Variants in C19orf85 observed in about 807,000 individuals in gnomAD.
The protein encoded by C19orf85 is uncharacterized protein C19orf85.
At position 55,463,175 on chromosome 19, in the gene C19orf85, A is replaced by G. The variant is rs186006249; in HGVS notation, c.*297T>C. 1.8e-3 allele frequency: 602 copies of G among 338,558 alleles called. 5 individuals are homozygous for G. Among genetic ancestry groups the G allele is most frequent in the African/African-American group, 0.012 (573 of 47,558 alleles). 21.0% of individuals were successfully genotyped at this position (338,558 alleles called of 1,614,324 possible). On this transcript the variant is annotated 3_prime_UTR_variant, in exon 2 of 2. Transcript: ENST00000635964. This position sits in a 1 kb window ranked among gnomAD's most constrained non-coding sequence, Gnocchi z 4.9. The stretch of plus-strand genomic sequence containing the variant: ...CGATACATCTTTGGGAATAAATGAC[A>G]GGAGAGCAGACATTAGGCAGAGGTG...
chr19:55,463,112 T>A lies in C19orf85; in HGVS notation c.*360A>T. On this transcript the variant is annotated 3_prime_UTR_variant, in exon 2 of 2. Transcript: ENST00000635964. The surrounding 1 kb of genome is among the most constrained non-coding windows in gnomAD (Gnocchi z 4.9). ...GTCTGCCTCGTTCACAGCTGAATCC[T>A]CAAGTCCTAGACCTGGGCCTGGCCC... 4.5e-6 allele frequency: 1 copy of A among 224,674 alleles called. No individual in the cohort carries two copies. The highest frequency in any genetic ancestry group is 8.6e-6 in the Non-Finnish European group (1 of 115,852). The allele number at this position is 224,674 out of a possible 1,614,324, so 13.9% of individuals were successfully genotyped here.
At chr19:55,464,031 G>A (rs535191262) in intron 1 of C19orf85, 64 bp from the exon 2 acceptor site, 102 of 398,566 alleles carry the variant, frequency 2.6e-4, no homozygotes, top group Non-Finnish European at 4.1e-4. Context: ...CTCCTGCCTC[G>A]GCCTTTCAAG....
In C19orf85 at chr19:55,463,567, C is replaced by T. The variant is rs1165127189; in HGVS notation, c.574G>A (p.Val192Met). 1.5e-5 allele frequency: 6 copies of T among 398,516 alleles called. No homozygotes were observed. Among genetic ancestry groups the T allele is most frequent in the Admixed American group, 4.4e-5 (1 of 22,706 alleles). The allele number at this position is 398,516 out of a possible 1,614,324, so 24.7% of individuals were successfully genotyped here. A position where few individuals can be genotyped will look rare whatever the true frequency, so the allele number is the denominator to read the frequency against. ...QHALGEEADL[V>M]APDWGWVDCW... ...TCCACCCAACCCCAGTCGGGAGCCA[C>T]GAGATCAGCCTCTTCCCCCAGGGCA... is the stretch of plus-strand genomic sequence containing the variant. The change falls in exon 2 of 2, where the codon GTG becomes ATG. Residue 192 changes from valine (V) to methionine (M), a missense_variant. Coordinates refer to ENST00000635964, the MANE Select transcript of C19orf85 (RefSeq NM_001386794.1). The surrounding 1 kb of genome is among the most constrained non-coding windows in gnomAD (Gnocchi z 4.9).
In C19orf85 at chr19:55,464,074, C is replaced by T. The variant is rs563761387; in HGVS notation, c.174-107G>A. On this transcript the variant is annotated intron_variant, in intron 1 of 1. Transcript: ENST00000635964. ...GATTGCAGGCTTGAGCCACCACCCC[C>T]GGCCAGCATATTTGCAAGGGTCACC... The T allele has an allele frequency of 1.3e-3, 524 of 398,194 alleles. 2 individuals are homozygous for T. The highest frequency in any genetic ancestry group is 9.9e-3 in the African/African-American group (484 of 48,724). 24.7% of individuals were successfully genotyped at this position (398,194 alleles called of 1,614,324 possible). A position where few individuals can be genotyped will look rare whatever the true frequency, so the allele number is the denominator to read the frequency against.
rs1375465773 is a variant in C19orf85 at position 55,463,752 on chromosome 19, T to A, written c.389A>T (p.Asp130Val). 3 of 398,512 alleles carry A rather than the reference T, an allele frequency of 7.5e-6. No homozygotes were observed. The highest frequency in any genetic ancestry group is 2.1e-5 in the African/African-American group (1 of 48,532). The allele number at this position is 398,512 out of a possible 1,614,324, so 24.7% of individuals were successfully genotyped here. A position where few individuals can be genotyped will look rare whatever the true frequency, so the allele number is the denominator to read the frequency against. The change falls in exon 2 of 2, where the codon GAC becomes GTC. Residue 130 changes from aspartate (D) to valine (V), a missense_variant. Physicochemically the swap from Asp to Val is radical, Grantham distance 152 (BLOSUM62 -3). Transcript: ENST00000635964. This position sits in a 1 kb window ranked among gnomAD's most constrained non-coding sequence, Gnocchi z 4.9. Reference sequence around the variant, plus strand: ...ACACTCTGGGGTGAGCGCAATGTTGTCAAAGAGGTCGAGGGTAGAGGTGTC... The same window carrying A: ...ACACTCTGGGGTGAGCGCAATGTTGACAAAGAGGTCGAGGGTAGAGGTGTC... ...ALDTSTLDLF[D>V]NIALTPECAS...
In C19orf85 at chr19:55,464,372, GC is replaced by G. The variant is rs1599888903; in HGVS notation, c.173+9del. ...CGTCCCGTGCCCACCTTCCCCACCA[GC>G]CCCCTCACCTGCAGATCTGGTTGTG... On this transcript the variant is annotated intron_variant, in intron 1 of 1. Transcript: ENST00000635964. The G allele has an allele frequency of 5.0e-6, 2 of 398,440 alleles. No homozygotes were observed. Among genetic ancestry groups the G allele is most frequent in the East Asian group, 7.1e-5 (2 of 28,070 alleles). 24.7% of individuals were successfully genotyped at this position (398,440 alleles called of 1,614,324 possible).
Position 55,463,421 on chromosome 19 carries a change from G to A in C19orf85, c.*51C>T, listed in dbSNP as rs1352066108. 2.0e-5 allele frequency: 8 copies of A among 398,768 alleles called. No homozygotes were observed. The highest frequency in any genetic ancestry group is 1.3e-4 in the Admixed American group (3 of 22,726). 24.7% of individuals were successfully genotyped at this position (398,768 alleles called of 1,614,324 possible). A position where few individuals can be genotyped will look rare whatever the true frequency, so the allele number is the denominator to read the frequency against. ...TCCTGGAGAGGGCTGTAGAGCCGTCGTGGAGGGGCCTCTGGCTTGTCCTGG... is the reference window on the plus strand; with the variant it reads ...TCCTGGAGAGGGCTGTAGAGCCGTCATGGAGGGGCCTCTGGCTTGTCCTGG... On this transcript the variant is annotated 3_prime_UTR_variant, in exon 2 of 2. Coordinates refer to ENST00000635964, the MANE Select transcript of C19orf85 (RefSeq NM_001386794.1). The surrounding 1 kb of genome is among the most constrained non-coding windows in gnomAD (Gnocchi z 4.9).
chr19:55,463,780 G>A lies in C19orf85; in HGVS notation c.361C>T (p.Leu121=). The A allele has an allele frequency of 2.5e-6, 1 of 398,958 alleles. No homozygotes were observed. Among genetic ancestry groups the A allele is most frequent in the Non-Finnish European group, 4.4e-6 (1 of 226,326 alleles). 24.7% of individuals were successfully genotyped at this position (398,958 alleles called of 1,614,324 possible). The change falls in exon 2 of 2, where the codon CTG becomes TTG. Residue 121 remains leucine (L), a synonymous_variant. Transcript: ENST00000635964. The surrounding 1 kb of genome is among the most constrained non-coding windows in gnomAD (Gnocchi z 4.9). ...HASASLSLAA[L]DTSTLDLFDN... ...AAGAGGTCGAGGGTAGAGGTGTCCA[G>A]GGCAGCGAGACTCAGGCTGGCGCTG...
Position 55,463,630 on chromosome 19 carries a change from C to A in C19orf85, c.511G>T (p.Val171Phe), listed in dbSNP as rs1986304829. 2.5e-6 allele frequency: 1 copy of A among 398,562 alleles called. No homozygotes were observed. The highest frequency in any genetic ancestry group is 4.4e-5 in the Admixed American group (1 of 22,720). 24.7% of individuals were successfully genotyped at this position (398,562 alleles called of 1,614,324 possible). A position where few individuals can be genotyped will look rare whatever the true frequency, so the allele number is the denominator to read the frequency against. Residue 171 changes from valine (V) to phenylalanine (F), a missense_variant, in exon 2 of 2, where the codon GTC becomes TTC. Physicochemically the swap from Val to Phe is conservative, Grantham distance 50 (BLOSUM62 -1). Transcript: ENST00000635964. This position sits in a 1 kb window ranked among gnomAD's most constrained non-coding sequence, Gnocchi z 4.9. ...GGCAGGGGGCCGCAGAAATGTGGGA[C>A]CTGCCTCAGGTCCAGCTGGCCCAGG... The part of the protein sequence containing the change: ...RDLGQLDLRQ[V>F]PHFCGPLPLP...
Position 55,464,538 on chromosome 19 carries a change from G to C in C19orf85, c.17C>G (p.Pro6Arg), listed in dbSNP as rs1416373434. 3 of 398,266 alleles carry C rather than the reference G, an allele frequency of 7.5e-6. No individual in the cohort carries two copies. The highest frequency in any genetic ancestry group is 8.8e-5 in the Admixed American group (2 of 22,710). 24.7% of individuals were successfully genotyped at this position (398,266 alleles called of 1,614,324 possible). A position where few individuals can be genotyped will look rare whatever the true frequency, so the allele number is the denominator to read the frequency against. MHPGV[P>R]EGPGVSEPGP... ...GGGCTCGGAGACCCCAGGGCCTTCG[G>C]GGACCCCGGGGTGCATGGCCAGGGT... The change falls in exon 1 of 2, where the codon CCC becomes CGC. Residue 6 changes from proline to arginine, a missense_variant. Transcript: ENST00000635964.
At chr19:55,464,106 G>A (rs1264757718) in intron 1 of C19orf85, 139 bp from the exon 2 acceptor site, 1 of 397,770 alleles carries the variant, frequency 2.5e-6, no homozygotes, top group East Asian at 3.6e-5. Flanking sequence ...CACCTATGTG[G>A]TCGCATCACA....
intron 1 of C19orf85, among the ~76,000 whole-genome samples, 166 bp downstream of exon 1, chr19:55,464,216 G>A (rs1986318724): frequency 1.3e-5 from 2 of 152,156 alleles, no homozygotes; most frequent in Admixed American, 1.3e-4. Flanking sequence ...TTGCTAACTG[G>A]CCTGGCACAC....
Position 55,463,155 on chromosome 19 carries a change from C to A in C19orf85, c.*317G>T. The A allele has an allele frequency of 3.3e-6, 1 of 301,058 alleles. No homozygotes were observed. Among genetic ancestry groups the A allele is most frequent in the Non-Finnish European group, 6.1e-6 (1 of 164,284 alleles). 18.6% of individuals were successfully genotyped at this position (301,058 alleles called of 1,614,324 possible). The stretch of plus-strand genomic sequence containing the variant: ...CCTGGCCCATAGTAGGCGCTCGATA[C>A]ATCTTTGGGAATAAATGACAGGAGA... On this transcript the variant is annotated 3_prime_UTR_variant, in exon 2 of 2. Transcript: ENST00000635964. The surrounding 1 kb of genome is among the most constrained non-coding windows in gnomAD (Gnocchi z 4.9).
At position 55,463,087 on chromosome 19, in the gene C19orf85, G is replaced by A. The variant is rs562279790; in HGVS notation, c.*385C>T. 7.2e-4 allele frequency: 146 copies of A among 201,760 alleles called. 1 individual carries two copies. Among genetic ancestry groups the A allele is most frequent in the African/African-American group, 2.7e-3 (116 of 43,506 alleles). 12.5% of individuals were successfully genotyped at this position (201,760 alleles called of 1,614,324 possible). On this transcript the variant is annotated 3_prime_UTR_variant, in exon 2 of 2. Coordinates refer to ENST00000635964, the MANE Select transcript of C19orf85 (RefSeq NM_001386794.1). The surrounding 1 kb of genome is among the most constrained non-coding windows in gnomAD (Gnocchi z 4.9). ...GGGAGCTCCCTGAGGCAGGGGTCCCGTCTGCCTCGTTCACAGCTGAATCCT... is the reference window on the plus strand; with the variant it reads ...GGGAGCTCCCTGAGGCAGGGGTCCCATCTGCCTCGTTCACAGCTGAATCCT...
In C19orf85 at chr19:55,463,659, C is replaced by T. The variant is rs1343102390; in HGVS notation, c.482G>A (p.Arg161His). The part of the protein sequence containing the change: ...APLPAPGLSH[R>H]DLGQLDLRQV... ...CCTCAGGTCCAGCTGGCCCAGGTCG[C>T]GATGGGACAGACCCGGCGCTGGCAG... is the stretch of plus-strand genomic sequence containing the variant. The change falls in exon 2 of 2, where the codon CGC becomes CAC. Residue 161 changes from arginine (R) to histidine (H), a missense_variant. By Grantham distance (29) the Arg-to-His change is conservative (BLOSUM62 0). Coordinates refer to ENST00000635964, the MANE Select transcript of C19orf85 (RefSeq NM_001386794.1). The surrounding 1 kb of genome is among the most constrained non-coding windows in gnomAD (Gnocchi z 4.9). The T allele has an allele frequency of 2.3e-5, 9 of 398,634 alleles. No individual in the cohort carries two copies. The highest frequency in any genetic ancestry group is 3.1e-5 in the Non-Finnish European group (7 of 226,172). The allele number at this position is 398,634 out of a possible 1,614,324, so 24.7% of individuals were successfully genotyped here.
At position 55,463,944 on chromosome 19, in the gene C19orf85, G is replaced by C. The variant is rs1986313700; in HGVS notation, c.197C>G (p.Ala66Gly). 2.5e-6 allele frequency: 1 copy of C among 398,592 alleles called. No homozygotes were observed. The highest frequency in any genetic ancestry group is 2.1e-5 in the African/African-American group (1 of 48,592). 24.7% of individuals were successfully genotyped at this position (398,592 alleles called of 1,614,324 possible). The change falls in exon 2 of 2, where the codon GCC becomes GGC. Residue 66 changes from alanine to glycine, a missense_variant. By Grantham distance (60) the Ala-to-Gly change is moderately conservative. Coordinates refer to ENST00000635964, the MANE Select transcript of C19orf85 (RefSeq NM_001386794.1). The surrounding 1 kb of genome is among the most constrained non-coding windows in gnomAD (Gnocchi z 4.9). ...GATGGAGAGGGCCAGGCGCTGGGTG[G>C]CAGCCTCAATCTTGGTGAACTGCCT... ...ICRQFTKIEA[A>G]TQRLALSILS...
At position 55,464,629 on chromosome 19, in the gene C19orf85, G is replaced by A. The variant is rs1986328624; in HGVS notation, c.-75C>T. On this transcript the variant is annotated 5_prime_UTR_variant, in exon 1 of 2. Coordinates refer to ENST00000635964, the MANE Select transcript of C19orf85 (RefSeq NM_001386794.1). ...CCCCCAAATCTGTGAGCAGGGAGGG[G>A]CAGGGGACTCTGGAGGCCCAGGCAC... 5.0e-6 allele frequency: 2 copies of A among 398,158 alleles called. No homozygotes were observed. Among genetic ancestry groups the A allele is most frequent in the Middle Eastern group, 6.3e-4 (1 of 1,588 alleles). 24.7% of individuals were successfully genotyped at this position (398,158 alleles called of 1,614,324 possible).
At chr19:55,464,249 G>A (rs1483797879) in intron 1 of C19orf85, 133 bp downstream of exon 1, 5 of 397,664 alleles carry the variant, frequency 1.3e-5, no homozygotes, top group East Asian at 3.6e-5. Flanking sequence ...ATAAATGCAC[G>A]TTGACTGTTG....
Position 55,464,467 on chromosome 19 carries a change from T to A in C19orf85, c.88A>T (p.Met30Leu). ...CAFVSGAAAH[M>L]LRALQPRRTR... ...CGCCGGGGCTGCAGGGCCCGCAGCATGTGGGCGGCCGCCCCGCTCACAAAG... is the reference window on the plus strand; with the variant it reads ...CGCCGGGGCTGCAGGGCCCGCAGCAAGTGGGCGGCCGCCCCGCTCACAAAG... The change falls in exon 1 of 2, where the codon ATG becomes TTG. Residue 30 changes from methionine (M) to leucine (L), a missense_variant. Transcript: ENST00000635964. 2.5e-6 allele frequency: 1 copy of A among 398,274 alleles called. No individual in the cohort carries two copies. The highest frequency in any genetic ancestry group is 4.4e-6 in the Non-Finnish European group (1 of 225,834). The allele number at this position is 398,274 out of a possible 1,614,324, so 24.7% of individuals were successfully genotyped here. A position where few individuals can be genotyped will look rare whatever the true frequency, so the allele number is the denominator to read the frequency against.
Sources: allele counts gnomAD v4.1 joint callset (sites outside exome capture counted in the v4.1 genomes callset), GRCh38; gene constraint gnomAD v4.1.1; non-coding constraint Gnocchi (gnomAD v3.1); transcripts MANE v1.5; gene names NCBI Gene and HGNC (gene_info 2026-07-23, HGNC 2026-07-21).